The following ZFHX3 variants were observed in gnomAD, a reference collection of about 807,000 sequenced individuals.
ZFHX3 encodes zinc finger homeobox protein 3.
ZFHX3 carries 42 observed loss-of-function variants against 279.1 expected under a neutral mutation model. The observed-to-expected ratio is 0.15, with a 90% CI of 0.12 to 0.19. ZFHX3 has a LOEUF of 0.19. ZFHX3 is among the 10% of genes least tolerant of loss of function. ZFHX3 has a pLI of 1.00. For missense variants in ZFHX3, 4,981 were observed against 4,754.0 expected (o/e 1.05, Z -1.40); for synonymous variants, 2,293 against 1,957.8 (o/e 1.17, Z -4.52).
At chr16:72,928,217 G>A (rs1361858760) in intron 3 of ZFHX3, among the ~76,000 whole-genome samples, 3,025 of 70,206 alleles carry the variant, frequency 0.043, 776 homozygotes, top group African/African-American at 0.078. Context: ...GGAGCGAAGG[G>A]GAGCGAGGGG....
At position 73,849,657 on chromosome 16, in the gene ZFHX3, G is replaced by A. The variant is rs144430132; in HGVS notation, c.-1608+41994C>T. On this transcript the variant is annotated intron_variant, in intron 1 of 17. Coordinates refer to the ZFHX3 transcript ENST00000641206. ...GTCCACATTTCTTCACTGAGTCTTCGAAGATATATAAGTGAATTTGTCAAC... is the reference window on the plus strand; with the variant it reads ...GTCCACATTTCTTCACTGAGTCTTCAAAGATATATAAGTGAATTTGTCAAC... 7.1e-3 allele frequency among the ~76,000 whole-genome samples: 1,087 copies of A among 152,292 alleles called. 18 individuals carry two copies. The highest frequency in any genetic ancestry group is 0.025 in the African/African-American group (1,037 of 41,548).
At chr16:72,790,766 G>A (rs1283234093) in intron 9 of ZFHX3, 3 of 152,090 alleles carry the variant, frequency 2.0e-5, no homozygotes, top group African/African-American at 7.2e-5. Flanking sequence ...TCTAAACTTG[G>A]GACATGGCTC....
chr16:73,272,636 G>A (rs2014178555), intron 4 of ZFHX3, among the ~76,000 whole-genome samples: 1 of 152,116 alleles, frequency 6.6e-6, no homozygotes, highest in Non-Finnish European at 1.5e-5. Flanking sequence ...CAGTGAGGTT[G>A]GAGAAAGTAA....
chr16:73,315,361 G>A (rs1355032424), intron 4 of ZFHX3, among the ~76,000 whole-genome samples: 1 of 152,110 alleles, frequency 6.6e-6, no homozygotes, highest in Non-Finnish European at 1.5e-5. Flanking sequence ...GCCTTGCCCT[G>A]ATATCAGCAA....
chr16:73,112,522 G>A (rs8060248), intron 7 of ZFHX3, among the ~76,000 whole-genome samples: 50,392 of 151,482 alleles, frequency 0.33, 8,619 homozygotes, highest in Admixed American at 0.46. Flanking sequence ...AGACCAGCCT[G>A]GGCAACATGG....
At chr16:73,561,134 G>T (rs1002047856) in intron 2 of ZFHX3, among the ~76,000 whole-genome samples, 2 of 152,156 alleles carry the variant, frequency 1.3e-5, no homozygotes, top group African/African-American at 4.8e-5. Context: ...TGGGTGTTCT[G>T]CATTTTTATT....
intron 4 of ZFHX3, among the ~76,000 whole-genome samples, chr16:73,304,507 G>A (rs16971691): frequency 0.11 from 16,515 of 152,168 alleles, 927 homozygotes; most frequent in African/African-American, 0.11. Flanking sequence ...CTTTGTGCAA[G>A]TATTAATCTG....
At chr16:72,906,383 G>T (rs976525150) in intron 3 of ZFHX3, among the ~76,000 whole-genome samples, 8 of 151,958 alleles carry the variant, frequency 5.3e-5, no homozygotes, top group Non-Finnish European at 1.0e-4. Flanking sequence ...CACTGGGGGG[G>T]CATGGGACCG....
intron 3 of ZFHX3, among the ~76,000 whole-genome samples, chr16:73,362,960 T>G (rs1779377887): frequency 6.6e-6 from 1 of 152,262 alleles, no homozygotes; most frequent in African/African-American, 2.4e-5. Context: ...GTGTTATATT[T>G]GATTAAACAA....
intron 4 of ZFHX3, among the ~76,000 whole-genome samples, chr16:73,279,726 A>C (rs113028251): frequency 6.6e-6 from 1 of 152,136 alleles, no homozygotes; most frequent in African/African-American, 2.4e-5. Flanking sequence ...AGACATGAGG[A>C]CATACAGCTG....
Position 72,957,839 on chromosome 16 carries a change from A to G in ZFHX3, c.2307T>C (p.Thr769=), listed in dbSNP as rs769602366. ...NGGGEQVFSH[T]AGAAAAAVAA... is the part of the protein sequence containing the mutation. ...CCACCGCCGCCGCCGCCGCCCCGGCAGTGTGGCTGAAGACCTGCTCCCCCC... is the reference window on the plus strand; with the variant it reads ...CCACCGCCGCCGCCGCCGCCCCGGCGGTGTGGCTGAAGACCTGCTCCCCCC... The change falls in exon 2 of 10, where the codon ACT becomes ACC. Residue 769 remains threonine (T), a synonymous_variant. Coordinates refer to ENST00000268489, the MANE Select transcript of ZFHX3 (RefSeq NM_006885.4). The G allele has an allele frequency of 1.9e-6, 3 of 1,612,786 alleles. No homozygotes were observed. The highest frequency in any genetic ancestry group is 2.5e-6 in the Non-Finnish European group (3 of 1,179,392).
At chr16:73,686,042 C>T (rs1045514769) in intron 1 of ZFHX3, among the ~76,000 whole-genome samples, 4 of 152,160 alleles carry the variant, frequency 2.6e-5, no homozygotes, top group African/African-American at 9.7e-5. Context: ...GAATCTTCAA[C>T]ATGCTTATGT....
chr16:73,674,876 A>G (rs1440964360), intron 2 of ZFHX3, among the ~76,000 whole-genome samples: 1 of 152,186 alleles, frequency 6.6e-6, no homozygotes. Flanking sequence ...AATGACACAT[A>G]TGTCACATGT....
intron 1 of ZFHX3, among the ~76,000 whole-genome samples, chr16:73,890,256 AAC>A (rs1228392057): frequency 1.0e-4 from 12 of 116,978 alleles, no homozygotes; most frequent in Non-Finnish European, 6.3e-5. Flanking sequence ...AAAAAAAAAC[AAC>A]AAAAAAAAAC....
At chr16:72,812,122 C>G in intron 5 of ZFHX3, 84 bp from the exon 6 acceptor site, 1 of 1,520,590 alleles carries the variant, frequency 6.6e-7, no homozygotes, top group Non-Finnish European at 8.8e-7. Flanking sequence ...AATCAACATT[C>G]ATTTATAGCA....
In ZFHX3 at chr16:73,265,078, CGTGT is replaced by C. The variant is rs72075949; in HGVS notation, c.-1193-7946_-1193-7943del. Among the ~76,000 whole-genome samples, 807 of 145,892 alleles carry C rather than the reference CGTGT, an allele frequency of 5.5e-3. 2 individuals are homozygous for C. The highest frequency in any genetic ancestry group is 8.1e-3 in the African/African-American group (318 of 39,178). ...ATAATAGCACCTCAGCGCATATATG[CGTGT>C]GTGTGTGTGTGTGTGTGTGTGTGTG... On this transcript the variant is annotated intron_variant, in intron 4 of 17. Transcript: ENST00000641206.
chr16:73,598,457 G>A (rs1418016032), intron 2 of ZFHX3, among the ~76,000 whole-genome samples: 1 of 143,948 alleles, frequency 6.9e-6, no homozygotes, highest in Non-Finnish European at 1.5e-5. Flanking sequence ...TTACTCTGTT[G>A]CCCAGGCTGG....
chr16:73,737,984 A>T (rs961487457), intron 1 of ZFHX3, among the ~76,000 whole-genome samples: 19 of 152,184 alleles, frequency 1.2e-4, no homozygotes, highest in Admixed American at 3.3e-4. Flanking sequence ...GAGGAGGTCA[A>T]AACTAATGGC....
intron 4 of ZFHX3, among the ~76,000 whole-genome samples, chr16:73,258,039 C>T (rs376730927): frequency 3.1e-4 from 47 of 152,302 alleles, no homozygotes; most frequent in African/African-American, 1.0e-3. Context: ...CCAAACAGGT[C>T]TCCAGATTTT....
Sources: gnomAD v4.1 joint callset for allele counts (sites outside exome capture counted in the v4.1 genomes callset) on GRCh38, gnomAD v4.1.1 for gene constraint, MANE v1.5 for transcripts, NCBI Gene and HGNC (gene_info 2026-07-23, HGNC 2026-07-21) for gene names.